The following MYO16 variants were observed in gnomAD, a reference collection of about 807,000 sequenced individuals.
MYO16 encodes myosin XVI.
In MYO16, 94 loss-of-function variants were observed where a neutral mutation model predicts 205.3. The observed-to-expected ratio is 0.46, with a 90% CI of 0.39 to 0.54. The LOEUF (loss-of-function observed/expected upper bound fraction) is 0.54, where lower values mean the gene tolerates loss of function less well. MYO16 is among the 20% of genes least tolerant of loss of function. The pLI is 0.00. For synonymous variants in MYO16, 988 were observed against 954.0 expected, an observed-to-expected ratio of 1.04 and a Z score of -0.66; for missense variants, 2,315 against 2,387.5, an observed-to-expected ratio of 0.97 and a Z score of 0.63.
rs137956729 is a variant in MYO16 at position 109,059,467 on chromosome 13, A to G, written c.3335+3872A>G. Among the ~76,000 whole-genome samples, 164 of 152,326 alleles carry G rather than the reference A, an allele frequency of 1.1e-3. 1 individual carries two copies. The highest frequency in any genetic ancestry group is 3.8e-3 in the African/African-American group (159 of 41,578). ...ATTTTGCAAGAATTTTTTTCTGAGC[A>G]GTAGTTCTCAACAGTGAACTTCAAA... is the stretch of plus-strand genomic sequence containing the variant. On this transcript the variant is annotated intron_variant, in intron 27 of 34. Transcript: ENST00000457511.
intron 28 of MYO16, among the ~76,000 whole-genome samples, chr13:109,117,412 G>GTA (rs1875755274): frequency 6.9e-6 from 1 of 144,024 alleles, no homozygotes; most frequent in Admixed American, 7.1e-5. Context: ...ATATATATGT[G>GTA]TATATATGTA....
chr13:109,165,518 A>G (rs1878618389), intron 33 of MYO16, among the ~76,000 whole-genome samples: 1 of 152,240 alleles, frequency 6.6e-6, no homozygotes, highest in South Asian at 2.1e-4. Context: ...AGGATCACGC[A>G]AGTATTTTCT....
chr13:108,618,903 C>G (rs757238694), intron 1 of MYO16, among the ~76,000 whole-genome samples: 1 of 152,130 alleles, frequency 6.6e-6, no homozygotes, highest in African/African-American at 2.4e-5. Flanking sequence ...TAATGTATCT[C>G]TCTATATTTA....
intron 27 of MYO16, among the ~76,000 whole-genome samples, chr13:109,064,289 G>T (rs943719610): frequency 1.7e-4 from 26 of 152,136 alleles, no homozygotes; most frequent in African/African-American, 5.8e-4. Context: ...GACCATAAAA[G>T]GGGTTTGCCT....
chr13:108,814,244 C>G (rs1451824724), intron 7 of MYO16, among the ~76,000 whole-genome samples: 1 of 152,088 alleles, frequency 6.6e-6, no homozygotes, highest in Non-Finnish European at 1.5e-5. Flanking sequence ...ATACTCTAAC[C>G]TTTTTGCAAA....
chr13:108,524,547 G>A, the MYO16 span, among the ~76,000 whole-genome samples: 4 of 152,132 alleles, frequency 2.6e-5, no homozygotes, highest in Non-Finnish European at 5.9e-5. Flanking sequence ...AAATTATCCA[G>A]TCTCAGATAT....
intron 27 of MYO16, among the ~76,000 whole-genome samples, chr13:109,083,851 G>C (rs1351213780): frequency 1.3e-5 from 2 of 152,216 alleles, no homozygotes; most frequent in Admixed American, 1.3e-4. Flanking sequence ...CTGTCAAAGA[G>C]ATGGAGTGTC....
intron 4 of MYO16, among the ~76,000 whole-genome samples, chr13:108,741,479 C>T (rs1372502517): frequency 6.6e-6 from 1 of 152,110 alleles, no homozygotes; most frequent in Non-Finnish European, 1.5e-5. Context: ...ACTACAAAGA[C>T]CACAGAAAGG....
Position 108,961,767 on chromosome 13 carries a change from C to G in MYO16, c.2155+111C>G. 3 of 794,852 alleles carry G rather than the reference C, an allele frequency of 3.8e-6. 1 individual carries two copies. The South Asian group carries it at 4.7e-5, about 12-fold the overall frequency. 49.2% of individuals were successfully genotyped at this position (794,852 alleles called of 1,614,324 possible). Reference sequence around the variant, plus strand: ...AGCCAGTTGGCTTAAACCCTTTCCTCTATAGTAGAATTCAGTGAGGGGGGG... The same window carrying G: ...AGCCAGTTGGCTTAAACCCTTTCCTGTATAGTAGAATTCAGTGAGGGGGGG... On this transcript the variant is annotated intron_variant, in intron 18 of 34. Coordinates refer to ENST00000457511, the MANE Select transcript of MYO16 (RefSeq NM_001198950.3).
At chr13:108,859,450 G>C (rs1878352517) in intron 11 of MYO16, among the ~76,000 whole-genome samples, 1 of 152,156 alleles carries the variant, frequency 6.6e-6, no homozygotes, top group Non-Finnish European at 1.5e-5. Context: ...TTAATCATTT[G>C]ACCAGGATTT....
intron 20 of MYO16, among the ~76,000 whole-genome samples, chr13:108,965,193 C>T (rs538176203): frequency 1.3e-5 from 2 of 151,998 alleles, no homozygotes; most frequent in Non-Finnish European, 1.5e-5. Context: ...CTTTTGTGCA[C>T]CAATAAATCT....
In MYO16 at chr13:109,206,639, G is replaced by C; in HGVS notation, c.5446G>C (p.Glu1816Gln). Residue 1816 changes from glutamate to glutamine, a missense_variant, in exon 35 of 35, where the codon GAA becomes CAA. Transcript: ENST00000457511. Reference sequence around the variant, plus strand: ...CCATCAGCTGAGGCTCTCAGAGAATGAAAGTGTGGCCCTGCAGGAACTCTT... The same window carrying C: ...CCATCAGCTGAGGCTCTCAGAGAATCAAAGTGTGGCCCTGCAGGAACTCTT... ...VIHQLRLSENESVALQELLDW... is the reference protein window; with the variant it reads ...VIHQLRLSENQSVALQELLDW... The C allele has an allele frequency of 6.2e-7, 1 of 1,613,922 alleles. No individual in the cohort carries two copies. The highest frequency in any genetic ancestry group is 1.1e-5 in the South Asian group (1 of 91,070).
rs920720836 is a variant in MYO16 at position 108,598,264 on chromosome 13, A to G, written c.-39+2025A>G. Among the ~76,000 whole-genome samples the G allele has an allele frequency of 2.6e-5, 4 of 152,248 alleles. No homozygotes were observed. In the South Asian group the frequency reaches 8.3e-4, roughly 32 times the overall value. ...TTCAAGTCGCTGACACTCTAGTGGT[A>G]GTAATTTGTGTGTGGCTTTCCATAA... is the stretch of plus-strand genomic sequence containing the variant. On this transcript the variant is annotated intron_variant, in intron 1 of 24. Transcript: ENST00000251041.
At chr13:109,126,962 G>T (rs1032541015) in intron 30 of MYO16, among the ~76,000 whole-genome samples, 1 of 152,226 alleles carries the variant, frequency 6.6e-6, no homozygotes, top group African/African-American at 2.4e-5. Flanking sequence ...AGAGTGTGAA[G>T]AATTCATTCA....
At chr13:108,608,043 C>T (rs1487061203) in intron 1 of MYO16, among the ~76,000 whole-genome samples, 2 of 152,178 alleles carry the variant, frequency 1.3e-5, no homozygotes, top group Non-Finnish European at 2.9e-5. Flanking sequence ...ATTTTCTCAG[C>T]TAGTTGGGAT....
At chr13:109,195,451 CAA>C (rs1339403082) in intron 34 of MYO16, among the ~76,000 whole-genome samples, 3 of 152,080 alleles carry the variant, frequency 2.0e-5, no homozygotes, top group Non-Finnish European at 4.4e-5. Context: ...AGCTTTTAAT[CAA>C]AGACTTTTTA....
In MYO16 at chr13:108,774,213, C is replaced by T. The variant is rs570476197; in HGVS notation, c.508-11422C>T. Among the ~76,000 whole-genome samples the T allele has an allele frequency of 2.0e-5, 3 of 152,292 alleles. No individual in the cohort carries two copies. The South Asian group carries it at 6.2e-4, about 32-fold the overall frequency. ...TCTTGGAGATTAAATTGTTATATAA[C>T]ATAAACCAATAAATTCTTGGGGAAA... is the stretch of plus-strand genomic sequence containing the variant. On this transcript the variant is annotated intron_variant, in intron 4 of 34. Coordinates refer to ENST00000457511, the MANE Select transcript of MYO16 (RefSeq NM_001198950.3).
chr13:109,077,467 T>G (rs1252509750), intron 27 of MYO16, among the ~76,000 whole-genome samples: 2 of 152,190 alleles, frequency 1.3e-5, no homozygotes, highest in African/African-American at 4.8e-5. Context: ...TTACTATAAT[T>G]GACGAATTTG....
intron 33 of MYO16, among the ~76,000 whole-genome samples, chr13:109,175,969 C>A (rs1437468908): frequency 6.6e-6 from 1 of 151,860 alleles, no homozygotes; most frequent in Non-Finnish European, 1.5e-5. Flanking sequence ...AAAAAAAGTT[C>A]TTGTCAGTTA....
Sources: allele counts gnomAD v4.1 joint callset (sites outside exome capture counted in the v4.1 genomes callset), GRCh38; gene constraint gnomAD v4.1.1; transcripts MANE v1.5; gene names NCBI Gene and HGNC (gene_info 2026-07-23, HGNC 2026-07-21).